The following FOXN3 variants were observed in gnomAD, a reference collection of about 807,000 sequenced individuals.
FOXN3 encodes the protein forkhead box N3.
A neutral mutation model predicts 38.4 loss-of-function variants in FOXN3; 7 were observed. That is an observed-to-expected ratio of 0.18 (90% confidence interval 0.10 to 0.34). The LOEUF (loss-of-function observed/expected upper bound fraction) is 0.34. Ranked by LOEUF, FOXN3 falls within the 10% of genes least tolerant of loss-of-function variation. The probability of loss-of-function intolerance (pLI) is 1.00; values close to 1 mark genes in which losing one functional copy is unlikely to be tolerated. For synonymous variants in FOXN3, 230 were observed against 242.2 expected (o/e 0.95, Z 0.47); for missense variants, 456 against 613.4 (o/e 0.74, Z 2.71).
chr14:89,370,029 C>T (rs1890269752), intron 2 of FOXN3, among the ~76,000 whole-genome samples: 2 of 152,118 alleles, frequency 1.3e-5, no homozygotes, highest in Non-Finnish European at 1.5e-5. Flanking sequence ...CTAAAATGTA[C>T]ATCCTTGAAC....
At chr14:89,415,873 C>T (rs1285878596) in intron 1 of FOXN3, among the ~76,000 whole-genome samples, 1 of 151,480 alleles carries the variant, frequency 6.6e-6, no homozygotes, top group Non-Finnish European at 1.5e-5. Context: ...CACACACACA[C>T]ACACACACAC....
At chr14:89,383,123 A>C (rs1890704753) in intron 2 of FOXN3, among the ~76,000 whole-genome samples, 1 of 147,746 alleles carries the variant, frequency 6.8e-6, no homozygotes, top group South Asian at 2.1e-4. Flanking sequence ...GATAATTTGA[A>C]TAAGACCTCA....
intron 3 of FOXN3, among the ~76,000 whole-genome samples, chr14:89,322,708 T>C (rs371477502): frequency 1.3e-5 from 2 of 152,172 alleles, no homozygotes; most frequent in South Asian, 4.2e-4. Context: ...CCATGCTGAA[T>C]ACTCGCTGAG....
chr14:89,587,110 G>C (rs1895856486), intron 1 of FOXN3, among the ~76,000 whole-genome samples: 1 of 152,270 alleles, frequency 6.6e-6, no homozygotes, highest in African/African-American at 2.4e-5. Flanking sequence ...TTCAAGTCCA[G>C]AGGCCGTGTG....
intron 4 of FOXN3, among the ~76,000 whole-genome samples, chr14:89,211,435 C>G (rs1386729500): frequency 6.6e-6 from 1 of 152,214 alleles, no homozygotes; most frequent in Non-Finnish European, 1.5e-5. Flanking sequence ...GGGACCTGAT[C>G]AACAGTACCA....
At chr14:89,423,307 A>T (rs1891955464) in intron 1 of FOXN3, among the ~76,000 whole-genome samples, 1 of 152,194 alleles carries the variant, frequency 6.6e-6, no homozygotes, top group Non-Finnish European at 1.5e-5. Context: ...CTTTCTATCT[A>T]CCTAGTTTTC....
At chr14:89,323,191 G>C (rs1887941809) in intron 3 of FOXN3, among the ~76,000 whole-genome samples, 1 of 151,778 alleles carries the variant, frequency 6.6e-6, no homozygotes, top group Non-Finnish European at 1.5e-5. Context: ...GGGAGGCTGA[G>C]GTAGGAGAAT....
Position 89,159,905 on chromosome 14 carries a change from A to G in FOXN3, c.*2509T>C, listed in dbSNP as rs553367502. ...TGGAAGTATTCAGCTTCAGGTCATG[A>G]ATTCGACCTGCTGTAGAGGTGTAGG... is the stretch of plus-strand genomic sequence containing the variant. On this transcript the variant is annotated 3_prime_UTR_variant, in exon 6 of 6. Transcript: ENST00000557258. 1.3e-5 allele frequency: 2 copies of G among 152,302 alleles called. No individual in the cohort carries two copies. Among genetic ancestry groups the G allele is most frequent in the South Asian group, 2.1e-4 (1 of 4,826 alleles). The allele number at this position is 152,302 out of a possible 1,614,324, so 9.4% of individuals were successfully genotyped here. A position where few individuals can be genotyped will look rare whatever the true frequency, so the allele number is the denominator to read the frequency against.
chr14:89,479,732 G>C (rs1460351453), intron 1 of FOXN3, among the ~76,000 whole-genome samples: 4 of 152,056 alleles, frequency 2.6e-5, no homozygotes, highest in Non-Finnish European at 4.4e-5. Flanking sequence ...TTTCCAATAG[G>C]ACAGGTTATG....
intron 4 of FOXN3, among the ~76,000 whole-genome samples, chr14:89,266,489 G>T (rs28581304): frequency 0.014 from 2,149 of 152,190 alleles, 49 homozygotes; most frequent in African/African-American, 0.049. Flanking sequence ...GAGGCGGCTG[G>T]GGGGGCGGTG....
Position 89,363,879 on chromosome 14 carries a change from G to A in FOXN3, c.544-13071C>T, listed in dbSNP as rs1889979030. On this transcript the variant is annotated intron_variant, in intron 2 of 5. Coordinates refer to ENST00000557258, the MANE Select transcript of FOXN3 (RefSeq NM_005197.4). ...GGACTGCTTGAGCCTAGGAGGTCAA[G>A]GCTGCAGTGAGCTATGATCGAGCCA... Among the ~76,000 whole-genome samples the A allele has an allele frequency of 2.0e-5, 3 of 149,680 alleles. No homozygotes were observed. The South Asian group carries it at 6.3e-4, about 31-fold the overall frequency.
At chr14:89,180,894 A>G (rs943079100) in intron 4 of FOXN3, 88 bp from the exon 5 acceptor site, 82 of 615,192 alleles carry the variant, frequency 1.3e-4, no homozygotes, top group African/African-American at 2.3e-4. Flanking sequence ...ATAGACCAAT[A>G]AGAGAGAGAG....
rs530644267 is a variant in FOXN3, at chr14:89,446,345, C to T, written c.-14-33855G>A. On this transcript the variant is annotated intron_variant, in intron 1 of 6. Transcript: ENST00000345097. ...CTGGGATTACAGGCATGCGCCACCA[C>T]GCTCGGCTAATTTTTGTGTTTTTGG... 4.1e-3 allele frequency among the ~76,000 whole-genome samples: 624 copies of T among 151,800 alleles called. 3 individuals carry two copies. Among genetic ancestry groups the T allele is most frequent in the African/African-American group, 0.014 (589 of 41,400 alleles).
intron 4 of FOXN3, among the ~76,000 whole-genome samples, chr14:89,211,321 G>A (rs145789110): frequency 6.6e-6 from 1 of 152,348 alleles, no homozygotes; most frequent in East Asian, 1.9e-4. Flanking sequence ...TAATAGGAAA[G>A]ATCCTAATCA....
intron 4 of FOXN3, among the ~76,000 whole-genome samples, chr14:89,234,841 C>G (rs1423646954): frequency 1.3e-5 from 2 of 152,146 alleles, no homozygotes; most frequent in Admixed American, 1.3e-4. Context: ...TTATGTTTTC[C>G]TGTCTTGGCC....
chr14:89,467,691 G>T (rs1892999404), intron 1 of FOXN3, among the ~76,000 whole-genome samples: 1 of 149,922 alleles, frequency 6.7e-6, no homozygotes, highest in African/African-American at 2.5e-5. Context: ...CTGGGCTCAA[G>T]CTCCAGCAGT....
At chr14:89,297,881 A>G (rs942556872) in intron 3 of FOXN3, among the ~76,000 whole-genome samples, 1 of 152,198 alleles carries the variant, frequency 6.6e-6, no homozygotes, top group Non-Finnish European at 1.5e-5. Flanking sequence ...GCTACTTGGG[A>G]ACCTGAGGCA....
chr14:89,419,487 T>C, upstream of FOXN3: 1 of 292,918 alleles, frequency 3.4e-6, no homozygotes, highest in South Asian at 3.1e-5. Context: ...CATTGTCTAA[T>C]GTCTTGTCTA....
intron 2 of FOXN3, among the ~76,000 whole-genome samples, chr14:89,393,888 T>C (rs1196460083): frequency 6.6e-6 from 1 of 152,132 alleles, no homozygotes; most frequent in Non-Finnish European, 1.5e-5. Flanking sequence ...CACAAGTACA[T>C]TTCATAGCCC....
Sources: allele counts gnomAD v4.1 joint callset (sites outside exome capture counted in the v4.1 genomes callset), GRCh38; gene constraint gnomAD v4.1.1; transcripts MANE v1.5; gene names NCBI Gene and HGNC (gene_info 2026-07-23, HGNC 2026-07-21).